The following FRMPD2 variants were observed in gnomAD, a reference collection of about 807,000 sequenced individuals.
The protein encoded by FRMPD2 is FERM and PDZ domain containing 2.
Under a neutral mutation model 140.1 loss-of-function variants are expected in FRMPD2, and 96 were observed. That is an observed-to-expected ratio of 0.69 (90% confidence interval 0.58 to 0.81). The LOEUF is 0.81. Ranked by LOEUF, FRMPD2 falls within the 40% of genes least tolerant of loss-of-function variation. FRMPD2 has a pLI of 0.00. For synonymous variants in FRMPD2, 449 were observed against 547.6 expected (o/e 0.82, Z 2.52); for missense variants, 1,240 against 1,447.4 (o/e 0.86, Z 2.32).
chr10:48,227,583 T>C (rs189022003), intron 10 of FRMPD2, among the ~76,000 whole-genome samples: 279 of 152,340 alleles, frequency 1.8e-3, no homozygotes, highest in African/African-American at 6.3e-3. Context: ...ACGCTCTTTT[T>C]GTGGAAGCCT....
intron 13 of FRMPD2, among the ~76,000 whole-genome samples, chr10:48,207,488 G>A (rs1433895119): frequency 1.3e-5 from 2 of 152,160 alleles, no homozygotes; most frequent in Admixed American, 6.5e-5. Flanking sequence ...CCTTCGTGGG[G>A]GTCCCCGTAG....
intron 27 of FRMPD2, among the ~76,000 whole-genome samples, chr10:48,165,341 C>CT (rs1838070576): frequency 7.4e-6 from 1 of 135,260 alleles, no homozygotes; most frequent in African/African-American, 2.9e-5. Context: ...ACTGAGCAGC[C>CT]TGTGCCCCTA....
intron 20 of FRMPD2, among the ~76,000 whole-genome samples, chr10:48,184,344 G>T (rs1838623523): frequency 6.6e-6 from 1 of 152,090 alleles, no homozygotes; most frequent in South Asian, 2.1e-4. Context: ...ATTAGAGTAG[G>T]TTACTCCCTT....
At chr10:48,265,494 T>G (rs527633421) in intron 1 of FRMPD2, among the ~76,000 whole-genome samples, 3 of 152,254 alleles carry the variant, frequency 2.0e-5, no homozygotes, top group African/African-American at 7.2e-5. Flanking sequence ...ATCCAGCATT[T>G]ATAAGAAACT....
chr10:48,261,893 G>T (rs888419361), intron 1 of FRMPD2, among the ~76,000 whole-genome samples: 3 of 152,132 alleles, frequency 2.0e-5, no homozygotes, highest in African/African-American at 7.2e-5. Flanking sequence ...CTATTTGAAA[G>T]TGGATTTAAA....
chr10:48,159,343 C>G (rs1837872267), intron 28 of FRMPD2: 10 of 437,164 alleles, frequency 2.3e-5, no homozygotes, highest in Non-Finnish European at 4.6e-5. Context: ...GTAGTGTGGA[C>G]AGATACCCCT....
intron 12 of FRMPD2, among the ~76,000 whole-genome samples, chr10:48,216,717 G>A (rs1839459447): frequency 6.6e-6 from 1 of 152,192 alleles, no homozygotes; most frequent in Non-Finnish European, 1.5e-5. Flanking sequence ...AGTTTTGCAA[G>A]AGATTGATGA....
chr10:48,235,411 T>A (rs1176330571), intron 9 of FRMPD2, among the ~76,000 whole-genome samples: 2 of 152,194 alleles, frequency 1.3e-5, no homozygotes, highest in Non-Finnish European at 2.9e-5. Flanking sequence ...GCTTCAACAC[T>A]TTCAGGACTC....
At chr10:48,223,309 T>C (rs1486934752) in intron 10 of FRMPD2, 39 bp from the exon 11 acceptor site, 4 of 1,587,804 alleles carry the variant, frequency 2.5e-6, no homozygotes, top group Admixed American at 3.4e-5. Flanking sequence ...GGAGAAGCAG[T>C]AGGGATTGCA....
intron 2 of FRMPD2, among the ~76,000 whole-genome samples, chr10:48,250,559 C>A (rs945093670): frequency 9.2e-5 from 14 of 152,086 alleles, no homozygotes; most frequent in Non-Finnish European, 4.4e-5. Context: ...CGCCACCACG[C>A]CCGGCTAATA....
chr10:48,166,588 T>C (rs1838105826), intron 27 of FRMPD2, among the ~76,000 whole-genome samples: 1 of 118,696 alleles, frequency 8.4e-6, no homozygotes, highest in South Asian at 2.5e-4. Flanking sequence ...TTCTGCTTCA[T>C]TAACGATGGC....
intron 15 of FRMPD2, among the ~76,000 whole-genome samples, chr10:48,199,325 G>C (rs555579867): frequency 6.7e-6 from 1 of 149,276 alleles, no homozygotes; most frequent in South Asian, 2.1e-4. Flanking sequence ...TTTAAGATAT[G>C]GTCCTGGTAA....
chr10:48,230,658 G>A (rs1839829274), intron 10 of FRMPD2, among the ~76,000 whole-genome samples: 1 of 152,190 alleles, frequency 6.6e-6, no homozygotes, highest in Non-Finnish European at 1.5e-5. Flanking sequence ...GCTTCTAAAG[G>A]AAGGTGAAAA....
At chr10:48,251,511 G>A in intron 2 of FRMPD2, 55 bp downstream of exon 2, 2 of 1,601,870 alleles carry the variant, frequency 1.2e-6, no homozygotes, top group South Asian at 2.2e-5. Context: ...GTGTTTGTGT[G>A]GGAAGCTTCA....
intron 13 of FRMPD2, among the ~76,000 whole-genome samples, chr10:48,208,465 C>G (rs1839249116): frequency 6.6e-6 from 1 of 152,194 alleles, no homozygotes; most frequent in Non-Finnish European, 1.5e-5. Context: ...AGAACAATCA[C>G]AGAGATAGTG....
At chr10:48,198,619 ACATTGGTAGTTTGATAGGAATAG>A (rs1839007327) in intron 15 of FRMPD2, among the ~76,000 whole-genome samples, 1 of 152,168 alleles carries the variant, frequency 6.6e-6, no homozygotes, top group African/African-American at 2.4e-5. Context: ...GTGAAGAATG[ACATTGGTAGTTTGATAGGAATAG>A]CATTGAATCT....
At chr10:48,206,316 T>A (rs778502543) in intron 14 of FRMPD2, among the ~76,000 whole-genome samples, 6 of 152,186 alleles carry the variant, frequency 3.9e-5, no homozygotes, top group Non-Finnish European at 7.3e-5. Flanking sequence ...GCACACTGCG[T>A]GCAAAGGGAA....
intron 4 of FRMPD2, 29 bp from the exon 5 acceptor site, chr10:48,242,381 G>C (rs771594080): frequency 3.1e-6 from 5 of 1,598,236 alleles, no homozygotes; most frequent in Middle Eastern, 1.7e-4. Context: ...GGTGAGAGGA[G>C]AGAGCAGCCA....
chr10:48,263,441 AAG>A (rs1346536655), intron 1 of FRMPD2, among the ~76,000 whole-genome samples: 3 of 152,132 alleles, frequency 2.0e-5, no homozygotes, highest in Non-Finnish European at 4.4e-5. Context: ...GAGAAAAAAA[AAG>A]AGAGAAGATG....
Sources: gnomAD v4.1 joint callset for allele counts (sites outside exome capture counted in the v4.1 genomes callset) on GRCh38, gnomAD v4.1.1 for gene constraint, MANE v1.5 for transcripts, NCBI Gene and HGNC (gene_info 2026-07-23, HGNC 2026-07-21) for gene names.